The following CARNMT1 variants were observed in gnomAD, a reference collection of about 807,000 sequenced individuals.
CARNMT1 encodes the protein protein-L-histidine N-pros-methyltransferase CARNMT1.
Under a neutral mutation model 49.6 loss-of-function variants are expected in CARNMT1, and 28 were observed. The ratio of observed to expected loss-of-function variants is 0.56; its 90% CI spans 0.42 to 0.77. CARNMT1 has a LOEUF of 0.77. CARNMT1 is among the 30% of genes least tolerant of loss of function. The pLI is 0.00. For synonymous variants in CARNMT1, 178 were observed against 175.0 expected, an observed-to-expected ratio of 1.02 and a Z score of -0.13; for missense variants, 421 against 512.6, an observed-to-expected ratio of 0.82 and a Z score of 1.73.
At chr9:74,989,500 A>G (rs886583227) in intron 6 of CARNMT1, among the ~76,000 whole-genome samples, 10 of 152,104 alleles carry the variant, frequency 6.6e-5, no homozygotes, top group African/African-American at 2.4e-4. Context: ...CCCTTTAAAG[A>G]ATTTTTTTAA....
At chr9:75,011,026 A>C (rs1833676721) in intron 3 of CARNMT1, among the ~76,000 whole-genome samples, 1 of 152,214 alleles carries the variant, frequency 6.6e-6, no homozygotes, top group African/African-American at 2.4e-5. Context: ...CTCAAAAAAA[A>C]AAACATGTAA....
chr9:75,011,248 G>C (rs543778556), intron 3 of CARNMT1, among the ~76,000 whole-genome samples: 20 of 152,280 alleles, frequency 1.3e-4, no homozygotes, highest in Admixed American at 5.9e-4. Flanking sequence ...GAAGAACATA[G>C]TAATGACTGT....
chr9:74,991,705 G>T (rs1009623453), intron 6 of CARNMT1: 2 of 152,088 alleles, frequency 1.3e-5, no homozygotes. Flanking sequence ...GGAGTCAACT[G>T]TTCAATATAT....
rs1270425923 is a variant in CARNMT1, at chr9:74,987,026, T to C, written c.1025-2016A>G. Among the ~76,000 whole-genome samples the C allele has an allele frequency of 3.3e-5, 5 of 152,366 alleles. No individual in the cohort carries two copies. The East Asian group carries it at 9.6e-4, about 29-fold the overall frequency. ...AATGGTACTTTGACAAATATCCTTG[T>C]GCATATTTTAGATTATCCCTTACAA... On this transcript the variant is annotated intron_variant, in intron 6 of 7. Transcript: ENST00000376834.
intron 6 of CARNMT1, among the ~76,000 whole-genome samples, chr9:74,993,050 C>G (rs1042215576): frequency 6.6e-6 from 1 of 152,146 alleles, no homozygotes; most frequent in Non-Finnish European, 1.5e-5. Context: ...AATTTTGAAA[C>G]AATACATTCA....
intron 3 of CARNMT1, among the ~76,000 whole-genome samples, chr9:75,004,786 A>G (rs562152566): frequency 6.6e-6 from 1 of 152,336 alleles, no homozygotes; most frequent in East Asian, 1.9e-4. Context: ...GTGCATCAGT[A>G]TCTTTTTGGA....
chr9:74,983,583 G>C lies in CARNMT1; in HGVS notation c.*184C>G. On this transcript the variant is annotated 3_prime_UTR_variant, in exon 8 of 8. Coordinates refer to ENST00000376834, the MANE Select transcript of CARNMT1 (RefSeq NM_152420.3). ...GTGTAGTACAAATCTGCATGGCATA[G>C]TATATTTCTGAAAAAGCAATAGACA... The C allele has an allele frequency of 2.2e-6, 1 of 464,136 alleles. No individual in the cohort carries two copies. The highest frequency in any genetic ancestry group is 3.9e-6 in the Non-Finnish European group (1 of 256,560). The allele number at this position is 464,136 out of a possible 1,614,324, so 28.8% of individuals were successfully genotyped here. A position where few individuals can be genotyped will look rare whatever the true frequency, so the allele number is the denominator to read the frequency against.
At chr9:74,987,022 C>T (rs1242338046) in intron 6 of CARNMT1, among the ~76,000 whole-genome samples, 1 of 152,150 alleles carries the variant, frequency 6.6e-6, no homozygotes, top group African/African-American at 2.4e-5. Context: ...GACAAATATC[C>T]TTGTGCATAT....
chr9:75,022,136 G>A (rs1051377733), intron 1 of CARNMT1, among the ~76,000 whole-genome samples: 3 of 144,896 alleles, frequency 2.1e-5, no homozygotes, highest in Non-Finnish European at 4.5e-5. Context: ...AACATTTTGT[G>A]TTCAAAATCT....
rs1398323841 is a variant in CARNMT1 at position 74,989,285 on chromosome 9, AC to A, written c.1025-4276del. Among the ~76,000 whole-genome samples the A allele has an allele frequency of 2.6e-5, 4 of 151,672 alleles. No individual in the cohort carries two copies. In the South Asian group the frequency reaches 8.4e-4, roughly 32 times the overall value. On this transcript the variant is annotated intron_variant, in intron 6 of 7. Coordinates refer to ENST00000376834, the MANE Select transcript of CARNMT1 (RefSeq NM_152420.3). The stretch of plus-strand genomic sequence containing the variant: ...GCCACTACACCTGGCTAATTTTTAA[AC>A]TTTTTTTTTAGAGATGAAGGGTCTT...
intron 3 of CARNMT1, among the ~76,000 whole-genome samples, chr9:75,012,533 C>T (rs1360027489): frequency 2.6e-5 from 4 of 152,014 alleles, no homozygotes; most frequent in African/African-American, 7.3e-5. Context: ...GTGATCCATC[C>T]GGCTCAGCCT....
rs999602558 is a variant in CARNMT1, at chr9:74,981,264, C to A, written c.*2503G>T. 10 of 151,884 alleles carry A rather than the reference C, an allele frequency of 6.6e-5. No homozygotes were observed. Among genetic ancestry groups the A allele is most frequent in the African/African-American group, 2.2e-4 (9 of 41,354 alleles). 9.4% of individuals were successfully genotyped at this position (151,884 alleles called of 1,614,324 possible). A position where few individuals can be genotyped will look rare whatever the true frequency, so the allele number is the denominator to read the frequency against. On this transcript the variant is annotated 3_prime_UTR_variant, in exon 8 of 8. Transcript: ENST00000376834. Reference sequence around the variant, plus strand: ...CACCTTGCTCACTTGATTAGCATACCCTATATCTGCACTGCTTCAGAATAT... The same window carrying A: ...CACCTTGCTCACTTGATTAGCATACACTATATCTGCACTGCTTCAGAATAT...
At chr9:74,984,545 G>T (rs1832771403) in intron 7 of CARNMT1, among the ~76,000 whole-genome samples, 1 of 152,136 alleles carries the variant, frequency 6.6e-6, no homozygotes, top group Non-Finnish European at 1.5e-5. Context: ...AATGCCACAA[G>T]TGACAAATTC....
intron 1 of CARNMT1, among the ~76,000 whole-genome samples, chr9:75,018,968 T>TAAAAA (rs35324700): frequency 1.3e-5 from 1 of 74,596 alleles, no homozygotes; most frequent in Non-Finnish European, 3.0e-5. Context: ...CTCCATCTCA[T>TAAAAA]AAAAAAAAAA....
chr9:75,001,849 GA>G (rs2118801671), intron 3 of CARNMT1, among the ~76,000 whole-genome samples: 1 of 152,214 alleles, frequency 6.6e-6, no homozygotes, highest in East Asian at 1.9e-4. Flanking sequence ...TTTCTGTGGA[GA>G]AAAAGAAACA....
intron 6 of CARNMT1, among the ~76,000 whole-genome samples, chr9:74,989,020 T>C (rs866823983): frequency 6.6e-6 from 1 of 152,226 alleles, no homozygotes; most frequent in Non-Finnish European, 1.5e-5. Context: ...GTGAATATGA[T>C]AGGTGAAAAA....
intron 3 of CARNMT1, among the ~76,000 whole-genome samples, chr9:75,012,092 T>C (rs147177349): frequency 2.3e-3 from 352 of 152,284 alleles, no homozygotes; most frequent in Non-Finnish European, 4.1e-3. Flanking sequence ...GATACTCTCC[T>C]GCACACATAC....
chr9:75,010,576 A>G (rs1428394348), intron 3 of CARNMT1, among the ~76,000 whole-genome samples: 2 of 152,208 alleles, frequency 1.3e-5, no homozygotes, highest in Non-Finnish European at 2.9e-5. Context: ...AGACGACATG[A>G]AATGGTTTGA....
chr9:75,020,272 T>TTC (rs1822307680), intron 1 of CARNMT1, among the ~76,000 whole-genome samples: 3 of 147,592 alleles, frequency 2.0e-5, no homozygotes, highest in Non-Finnish European at 4.5e-5. Flanking sequence ...TTCTTCTTTT[T>TTC]TTTTTTTTTT....
Sources: allele counts gnomAD v4.1 joint callset (sites outside exome capture counted in the v4.1 genomes callset), GRCh38; gene constraint gnomAD v4.1.1; transcripts MANE v1.5; gene names NCBI Gene and HGNC (gene_info 2026-07-23, HGNC 2026-07-21).